SORBS2: variants seen among roughly 807,000 people sequenced by gnomAD.
The protein encoded by SORBS2 is sorbin and SH3 domain containing 2.
In SORBS2, 46 loss-of-function variants were observed where a neutral mutation model predicts 97.7. That is an observed-to-expected ratio of 0.47 (90% CI 0.37 to 0.60). SORBS2 has a LOEUF of 0.60. Ranked by LOEUF, SORBS2 falls within the 20% of genes least tolerant of loss-of-function variation. The pLI is 0.00. For synonymous variants in SORBS2, 476 were observed against 473.4 expected, an observed-to-expected ratio of 1.01 and a Z score of -0.07; for missense variants, 1,316 against 1,282.3, an observed-to-expected ratio of 1.03 and a Z score of -0.40.
At chr4:185,646,724 T>G (rs769977440) in exon 4 of SORBS2, 2 of 1,614,072 alleles carry the variant, frequency 1.2e-6, no homozygotes, top group Admixed American at 3.3e-5. Flanking sequence ...AAAATACTCC[T>G]TGGCTCAGAC....
rs9996428 is a variant in SORBS2, at chr4:185,687,477, C to T, written c.-197-8655G>A. ...AGAAAGAAATAAAACTATTTTCTTT[C>T]AATTTATGTGTACTGTTCTGTCAAA... is the stretch of plus-strand genomic sequence containing the variant. On this transcript the variant is annotated intron_variant, in intron 2 of 20. Coordinates refer to the SORBS2 transcript ENST00000284776. Among the ~76,000 whole-genome samples the T allele has an allele frequency of 9.3e-3, 1,421 of 152,274 alleles. 28 individuals carry two copies. The highest frequency in any genetic ancestry group is 0.032 in the African/African-American group (1,325 of 41,550).
intron 1 of SORBS2, among the ~76,000 whole-genome samples, chr4:185,788,871 C>T (rs2099068125): frequency 6.6e-6 from 1 of 152,228 alleles, no homozygotes; most frequent in Admixed American, 6.5e-5. Flanking sequence ...GATCTATCCA[C>T]TTGGCCTATT....
At chr4:185,737,450 G>A (rs2098694965) in intron 2 of SORBS2, among the ~76,000 whole-genome samples, 1 of 152,212 alleles carries the variant, frequency 6.6e-6, no homozygotes, top group African/African-American at 2.4e-5. Context: ...CAATACAGGT[G>A]CAATTCAAAA....
chr4:185,626,274 G>C (rs1191512880), intron 6 of SORBS2, among the ~76,000 whole-genome samples: 3 of 152,248 alleles, frequency 2.0e-5, no homozygotes, highest in African/African-American at 4.8e-5. Context: ...ATTGACCACT[G>C]TGTTACATGG....
intron 5 of SORBS2, among the ~76,000 whole-genome samples, chr4:185,629,248 G>A (rs940968145): frequency 3.3e-5 from 5 of 152,176 alleles, no homozygotes; most frequent in Non-Finnish European, 7.3e-5. Context: ...GTCCTGTCAT[G>A]TGAGGGTCTG....
chr4:185,626,110 G>A (rs2096806877), intron 6 of SORBS2, among the ~76,000 whole-genome samples: 2 of 149,276 alleles, frequency 1.3e-5, no homozygotes, highest in African/African-American at 5.2e-5. Flanking sequence ...CCACTAAATG[G>A]TCTTCCAGAA....
At chr4:185,753,638 A>G (rs2098813860) in intron 2 of SORBS2, among the ~76,000 whole-genome samples, 1 of 152,128 alleles carries the variant, frequency 6.6e-6, no homozygotes, top group Non-Finnish European at 1.5e-5. Context: ...CAATAGAATA[A>G]CTCTTATTCT....
intron 1 of SORBS2, among the ~76,000 whole-genome samples, chr4:185,865,446 C>G (rs1405629728): frequency 2.6e-5 from 4 of 152,128 alleles, no homozygotes; most frequent in African/African-American, 9.7e-5. Context: ...AACCTCAGAC[C>G]TAAAATCAGC....
chr4:185,758,214 A>T (rs1459066944), intron 2 of SORBS2, among the ~76,000 whole-genome samples: 1 of 152,238 alleles, frequency 6.6e-6, no homozygotes, highest in East Asian at 1.9e-4. Flanking sequence ...ATTAAATATC[A>T]TGCGAAAGAC....
intron 2 of SORBS2, among the ~76,000 whole-genome samples, chr4:185,739,751 G>A (rs1453599036): frequency 6.6e-6 from 1 of 152,116 alleles, no homozygotes; most frequent in Non-Finnish European, 1.5e-5. Flanking sequence ...AGAGCACATG[G>A]CACTGATTCT....
At chr4:185,723,508 C>A (rs2098532672) in intron 2 of SORBS2, among the ~76,000 whole-genome samples, 2 of 152,122 alleles carry the variant, frequency 1.3e-5, no homozygotes, top group Admixed American at 1.3e-4. Context: ...AAAGGACAGC[C>A]CGTACCAGTG....
At chr4:185,645,482 C>T (rs2097193148) in intron 4 of SORBS2, 2 of 152,034 alleles carry the variant, frequency 1.3e-5, no homozygotes, top group African/African-American at 4.8e-5. Flanking sequence ...AAGGCTTAGA[C>T]AAATATCATG....
intron 12 of SORBS2, among the ~76,000 whole-genome samples, chr4:185,596,637 C>T (rs1461805556): frequency 6.8e-6 from 1 of 146,148 alleles, no homozygotes; most frequent in East Asian, 2.1e-4. Context: ...CGGGTTCAAG[C>T]GATTCTCCTG....
At chr4:185,722,199 T>C (rs1360446309) in intron 2 of SORBS2, among the ~76,000 whole-genome samples, 3 of 152,228 alleles carry the variant, frequency 2.0e-5, no homozygotes, top group African/African-American at 7.2e-5. Flanking sequence ...GTATAAGCTT[T>C]ATCTATCTTT....
At chr4:185,756,738 T>TA (rs2098833482) in intron 2 of SORBS2, among the ~76,000 whole-genome samples, 1 of 128,062 alleles carries the variant, frequency 7.8e-6, no homozygotes, top group African/African-American at 3.0e-5. Context: ...TTTTTTTTTT[T>TA]AATTCTATGG....
intron 2 of SORBS2, among the ~76,000 whole-genome samples, chr4:185,689,162 T>C (rs1001150195): frequency 6.6e-6 from 1 of 152,242 alleles, no homozygotes; most frequent in Non-Finnish European, 1.5e-5. Context: ...GTATATCATG[T>C]ATGCATATCC....
At chr4:185,694,816 C>A (rs1401144462) in intron 2 of SORBS2, among the ~76,000 whole-genome samples, 2 of 149,156 alleles carry the variant, frequency 1.3e-5, no homozygotes, top group Non-Finnish European at 3.0e-5. Context: ...AAAGGATTCT[C>A]CTGCCTCAGC....
intron 13 of SORBS2, chr4:185,593,471 G>C (rs544752777): frequency 6.0e-6 from 1 of 165,764 alleles, no homozygotes; most frequent in East Asian, 1.8e-4. Flanking sequence ...TGGAATGATG[G>C]AATGATCGCT....
intron 2 of SORBS2, among the ~76,000 whole-genome samples, chr4:185,694,735 C>T (rs2098149962): frequency 1.2e-5 from 1 of 83,148 alleles, no homozygotes; most frequent in Non-Finnish European, 2.4e-5. Context: ...GAGACGGAGT[C>T]TCACTCTGCC....
Sources: gnomAD v4.1 joint callset for allele counts (sites outside exome capture counted in the v4.1 genomes callset) on GRCh38, gnomAD v4.1.1 for gene constraint, MANE v1.5 for transcripts, NCBI Gene and HGNC (gene_info 2026-07-23, HGNC 2026-07-21) for gene names.